The following ZNF280A variants were observed in gnomAD, a reference collection of about 807,000 sequenced individuals.
ZNF280A encodes suppressor of hairy wing homolog 1.
A neutral mutation model predicts 35.9 loss-of-function variants in ZNF280A; 26 were observed. That is an observed-to-expected ratio of 0.72 (90% CI 0.53 to 1.01). ZNF280A has a LOEUF of 1.01. ZNF280A is among the 50% of genes least tolerant of loss of function. The probability of loss-of-function intolerance (pLI) is 0.00; values close to 1 mark genes in which losing one functional copy is unlikely to be tolerated. For synonymous variants in ZNF280A, 231 were observed against 232.9 expected, an observed-to-expected ratio of 0.99 and a Z score of 0.07; for missense variants, 654 against 652.0, an observed-to-expected ratio of 1.00 and a Z score of -0.03.
At position 22,516,095 on chromosome 22, in the gene ZNF280A, C is replaced by T. The variant is rs142537039; in HGVS notation, c.-71-394G>A. On this transcript the variant is annotated intron_variant, in intron 1 of 1. Coordinates refer to ENST00000302097, the MANE Select transcript of ZNF280A (RefSeq NM_080740.5). ...TCCTAGCCTGGGCAACATAGCAAGA[C>T]CCCATCTCTACAAAAAAATTTAAAA... 2.0e-3 allele frequency among the ~76,000 whole-genome samples: 301 copies of T among 151,798 alleles called. 3 individuals carry two copies. The highest frequency in any genetic ancestry group is 6.6e-3 in the African/African-American group (273 of 41,410).
intron 1 of ZNF280A, among the ~76,000 whole-genome samples, chr22:22,516,117 A>T (rs970473449): frequency 6.6e-6 from 1 of 151,820 alleles, no homozygotes; most frequent in Non-Finnish European, 1.5e-5. Flanking sequence ...AAAAAAATTT[A>T]AAAATTAAAA....
rs367792712 is a variant in ZNF280A at position 22,514,514 on chromosome 22, A to G, written c.1117T>C (p.Phe373Leu). Residue 373 changes from phenylalanine (F) to leucine (L), a missense_variant, in exon 2 of 2, where the codon TTT (phenylalanine) becomes CTT (leucine). Coordinates refer to ENST00000302097, the MANE Select transcript of ZNF280A (RefSeq NM_080740.5). The part of the protein sequence containing the change: ...SAVCKICELS[F>L]ETDQVLLQHM... The stretch of plus-strand genomic sequence containing the variant: ...TGTAAGAGGACCTGATCTGTTTCAA[A>G]TGACAATTCACAGATTTTACAGACA... 5.0e-6 allele frequency: 8 copies of G among 1,613,810 alleles called. No homozygotes were observed. The African/African-American group carries it at 1.1e-4, about 22-fold the overall frequency.
Position 22,514,086 on chromosome 22 carries a change from A to G in ZNF280A, c.1545T>C (p.Pro515=), listed in dbSNP as rs759237080. The G allele has an allele frequency of 7.4e-6, 12 of 1,613,836 alleles. No homozygotes were observed. Among genetic ancestry groups the G allele is most frequent in the Non-Finnish European group, 1.0e-5 (12 of 1,179,928 alleles). ...MASVIVSNTD[P]QSSPVKTKKK... is the part of the protein sequence containing the mutation. Reference sequence around the variant, plus strand: ...TTTTAGTTTTTACAGGAGAAGACTGAGGGTCAGTGTTGCTAACAATAACGG... The same window carrying G: ...TTTTAGTTTTTACAGGAGAAGACTGGGGGTCAGTGTTGCTAACAATAACGG... Residue 515 remains proline (P), a synonymous_variant, in exon 2 of 2, where the codon CCT becomes CCC. Transcript: ENST00000302097.
intron 1 of ZNF280A, among the ~76,000 whole-genome samples, chr22:22,518,070 C>A (rs6002612): frequency 2.6e-5 from 4 of 151,610 alleles, no homozygotes; most frequent in Non-Finnish European, 4.4e-5. Flanking sequence ...GGACTACAGG[C>A]GCCCGCCACC....
rs2062039447 is a variant in ZNF280A, at chr22:22,514,084, T to C, written c.1547A>G (p.Gln516Arg). ...CTTTTTAGTTTTTACAGGAGAAGAC[T>C]GAGGGTCAGTGTTGCTAACAATAAC... ...ASVIVSNTDP[Q>R]SSPVKTKKKT... The change falls in exon 2 of 2, where the codon CAG (glutamine) becomes CGG (arginine). Residue 516 changes from glutamine to arginine, a missense_variant. Coordinates refer to ENST00000302097, the MANE Select transcript of ZNF280A (RefSeq NM_080740.5). 1.9e-6 allele frequency: 3 copies of C among 1,613,728 alleles called. No individual in the cohort carries two copies. Among genetic ancestry groups the C allele is most frequent in the African/African-American group, 1.3e-5 (1 of 74,868 alleles).
intron 1 of ZNF280A, among the ~76,000 whole-genome samples, chr22:22,516,331 G>A (rs1479593293): frequency 1.6e-5 from 2 of 124,040 alleles, no homozygotes; most frequent in Non-Finnish European, 3.4e-5. Context: ...TGCTGTTCCT[G>A]TAATGTTCCT....
At chr22:22,516,347 C>T (rs2062071508) in intron 1 of ZNF280A, among the ~76,000 whole-genome samples, 1 of 150,704 alleles carries the variant, frequency 6.6e-6, no homozygotes, top group Admixed American at 6.6e-5. Flanking sequence ...TTCCTTTTCT[C>T]AGTAAACTCA....
intron 1 of ZNF280A, among the ~76,000 whole-genome samples, chr22:22,517,146 C>T (rs1378397207): frequency 6.6e-6 from 1 of 151,834 alleles, no homozygotes; most frequent in Non-Finnish European, 1.5e-5. Context: ...GTGGCTCGTA[C>T]CTGTAATCCC....
Position 22,515,316 on chromosome 22 carries a change from CA to C in ZNF280A, c.314del (p.Leu105ArgfsTer13). 1 of 1,613,860 alleles carries C rather than the reference CA, an allele frequency of 6.2e-7. No homozygotes were observed. The highest frequency in any genetic ancestry group is 8.5e-7 in the Non-Finnish European group (1 of 1,179,958). ...SMAKAIMPVS[L>X]SEGRSTDSPV... ...GACTATCTGTCGATCGCCCCTCAGA[CA>C]GAGAAACCGGCATGATGGCTTTTGC... On this transcript the variant is annotated frameshift_variant, in exon 2 of 2. Transcript: ENST00000302097. LOFTEE classifies it high-confidence loss of function.
chr22:22,515,663 C>G lies in ZNF280A; in HGVS notation c.-33G>C. Reference sequence around the variant, plus strand: ...TTACTTTTTGCTTGAAGCCACTGGTCTCTTCAACTTCCAGAGCTGTCTTTT... The same window carrying G: ...TTACTTTTTGCTTGAAGCCACTGGTGTCTTCAACTTCCAGAGCTGTCTTTT... On this transcript the variant is annotated 5_prime_UTR_variant, in exon 2 of 2. Transcript: ENST00000302097. The G allele has an allele frequency of 6.5e-7, 1 of 1,541,502 alleles. No homozygotes were observed. Among genetic ancestry groups the G allele is most frequent in the South Asian group, 1.3e-5 (1 of 76,734 alleles).
intron 1 of ZNF280A, among the ~76,000 whole-genome samples, chr22:22,518,785 C>CAAAA (rs140976483): frequency 0.062 from 7,159 of 115,446 alleles, 363 homozygotes; most frequent in African/African-American, 0.13. Flanking sequence ...GAGACTGTCT[C>CAAAA]AAAAAAAAAA....
At position 22,514,371 on chromosome 22, in the gene ZNF280A, T is replaced by C. The variant is rs2062043736; in HGVS notation, c.1260A>G (p.Thr420=). 1.2e-6 allele frequency: 2 copies of C among 1,613,898 alleles called. No individual in the cohort carries two copies. Among genetic ancestry groups the C allele is most frequent in the South Asian group, 2.2e-5 (2 of 91,066 alleles). ...GACAAAACAGACAAAGCAAATTCTT[T>C]GTGTTTTCATGGCACGTTCTAAAAT... ...ETHFRTCHEN[T]KNLLCLFCLK... is the part of the protein sequence containing the mutation. The change falls in exon 2 of 2, where the codon ACA becomes ACG. Residue 420 remains threonine (T), a synonymous_variant. Coordinates refer to ENST00000302097, the MANE Select transcript of ZNF280A (RefSeq NM_080740.5).
chr22:22,515,658 C>T lies in ZNF280A; in HGVS notation c.-28G>A. On this transcript the variant is annotated 5_prime_UTR_variant, in exon 2 of 2. In the 5' UTR this introduces an upstream ATG that the reference lacks. Coordinates refer to ENST00000302097, the MANE Select transcript of ZNF280A (RefSeq NM_080740.5). ...TCAATTTACTTTTTGCTTGAAGCCACTGGTCTCTTCAACTTCCAGAGCTGT... is the reference window on the plus strand; with the variant it reads ...TCAATTTACTTTTTGCTTGAAGCCATTGGTCTCTTCAACTTCCAGAGCTGT... 6.5e-7 allele frequency: 1 copy of T among 1,544,596 alleles called. No homozygotes were observed.
chr22:22,515,437 C>G lies in ZNF280A; in HGVS notation c.194G>C (p.Arg65Thr), dbSNP rs1239549598. 6.2e-7 allele frequency: 1 copy of G among 1,613,816 alleles called. No homozygotes were observed. The highest frequency in any genetic ancestry group is 1.3e-5 in the African/African-American group (1 of 74,988). Residue 65 changes from arginine (R) to threonine (T), a missense_variant, in exon 2 of 2, where the codon AGA (arginine) becomes ACA (threonine). By Grantham distance (71) the Arg-to-Thr change is moderately conservative. Coordinates refer to ENST00000302097, the MANE Select transcript of ZNF280A (RefSeq NM_080740.5). Reference sequence around the variant, plus strand: ...TCTTGAATTTGAGCCTGGGGTGACTCTGTTCAAAATGTTTGAAACGACTGG... The same window carrying G: ...TCTTGAATTTGAGCCTGGGGTGACTGTGTTCAAAATGTTTGAAACGACTGG... ...SKPVVSNILN[R>T]VTPGSNSRRK...
Position 22,515,342 on chromosome 22 carries a change from C to G in ZNF280A, c.289G>C (p.Ala97Pro). 6.2e-7 allele frequency: 1 copy of G among 1,613,876 alleles called. No homozygotes were observed. Among genetic ancestry groups the G allele is most frequent in the African/African-American group, 1.3e-5 (1 of 74,986 alleles). The change falls in exon 2 of 2, where the codon GCA becomes CCA. Residue 97 changes from alanine to proline, a missense_variant. By Grantham distance (27) the Ala-to-Pro change is conservative. Coordinates refer to ENST00000302097, the MANE Select transcript of ZNF280A (RefSeq NM_080740.5). ...SQPANHVTSMAKAIMPVSLSE... is the reference protein window; with the variant it reads ...SQPANHVTSMPKAIMPVSLSE... ...AGAGAAACCGGCATGATGGCTTTTG[C>G]CATAGAGGTCACATGATTTGCAGGC...
intron 1 of ZNF280A, among the ~76,000 whole-genome samples, chr22:22,515,998 C>T: frequency 6.6e-6 from 1 of 151,990 alleles, no homozygotes; most frequent in East Asian, 2.0e-4. Flanking sequence ...TCCTCCTCAT[C>T]CCACAGGTAC....
rs778007859 is a variant in ZNF280A, at chr22:22,514,388, T to TTCTAAAATG, written c.1234_1242dup (p.His412_Arg414dup). The TTCTAAAATG allele has an allele frequency of 5.6e-6, 9 of 1,613,910 alleles. No homozygotes were observed. The highest frequency in any genetic ancestry group is 8.5e-7 in the Non-Finnish European group (1 of 1,179,988). Reference sequence around the variant, plus strand: ...AAATTCTTTGTGTTTTCATGGCACGTTCTAAAATGTGTTTCCACATCAGCA... The same window carrying TTCTAAAATG: ...AAATTCTTTGTGTTTTCATGGCACGTTCTAAAATGTCTAAAATGTGTTTCCACATCAGCA... On this transcript the variant is annotated inframe_insertion, in exon 2 of 2. Coordinates refer to ENST00000302097, the MANE Select transcript of ZNF280A (RefSeq NM_080740.5).
At position 22,514,912 on chromosome 22, in the gene ZNF280A, G is replaced by C. The variant is rs1160194663; in HGVS notation, c.719C>G (p.Thr240Arg). The C allele has an allele frequency of 6.2e-7, 1 of 1,613,664 alleles. No homozygotes were observed. The highest frequency in any genetic ancestry group is 1.3e-5 in the African/African-American group (1 of 74,850). ...DANGKAHFNL[T>R]DPERASESAL... The stretch of plus-strand genomic sequence containing the variant: ...AGACTCACTTGCTCTCTCTGGATCT[G>C]TAAGATTGAAATGTGCCTTTCCATT... Residue 240 changes from threonine to arginine, a missense_variant, in exon 2 of 2, where the codon ACA becomes AGA. Transcript: ENST00000302097.
At position 22,515,004 on chromosome 22, in the gene ZNF280A, G is replaced by A. The variant is rs201810772; in HGVS notation, c.627C>T (p.Pro209=). The change falls in exon 2 of 2, where the codon CCC becomes CCT. Residue 209 remains proline, a synonymous_variant. Coordinates refer to ENST00000302097, the MANE Select transcript of ZNF280A (RefSeq NM_080740.5). Reference sequence around the variant, plus strand: ...TTGATGAGTTGCAGATCCCCTGTGAGGGTGTATTTGTGCTTATTGTAGAAG... The same window carrying A: ...TTGATGAGTTGCAGATCCCCTGTGAAGGTGTATTTGTGCTTATTGTAGAAG... ...DMSSTISTNT[P]SQGICNSSNH... 2.0e-5 allele frequency: 33 copies of A among 1,613,792 alleles called. No homozygotes were observed. Among genetic ancestry groups the A allele is most frequent in the Admixed American group, 5.0e-5 (3 of 59,976 alleles).
Sources: gnomAD v4.1 joint callset for allele counts (sites outside exome capture counted in the v4.1 genomes callset) on GRCh38, gnomAD v4.1.1 for gene constraint, MANE v1.5 for transcripts, NCBI Gene and HGNC (gene_info 2026-07-23, HGNC 2026-07-21) for gene names.